Variants in TDRP observed in about 807,000 individuals in gnomAD.
TDRP encodes the protein testis development-related protein.
TDRP carries 12 observed loss-of-function variants against 10.5 expected under a neutral mutation model. The observed-to-expected ratio is 1.15, with a 90% CI of 0.73 to 1.86. TDRP has a LOEUF of 1.86. Ranked by LOEUF, TDRP falls within the 40% of genes most tolerant of loss-of-function variation. The pLI, the probability that TDRP is intolerant of heterozygous loss-of-function variation, is 0.00. For missense variants in TDRP, 353 were observed against 229.2 expected (o/e 1.54, Z -3.49); for synonymous variants, 139 against 95.4 (o/e 1.46, Z -2.67).
chr8:503,635 CCA>C (rs1220867148), intron 1 of TDRP, among the ~76,000 whole-genome samples: 12 of 140,382 alleles, frequency 8.5e-5, no homozygotes, highest in South Asian at 4.6e-4. Flanking sequence ...GAATCCAGAG[CCA>C]CACACACTGG....
intron 1 of TDRP, among the ~76,000 whole-genome samples, chr8:514,183 TC>T (rs1801691732): frequency 6.6e-6 from 1 of 152,190 alleles, no homozygotes; most frequent in South Asian, 2.1e-4. Flanking sequence ...ACTTGCCATT[TC>T]AAACTTACCA....
intron 1 of TDRP, among the ~76,000 whole-genome samples, chr8:496,266 C>T (rs1398061138): frequency 7.2e-5 from 11 of 152,190 alleles, no homozygotes; most frequent in Non-Finnish European, 1.3e-4. Flanking sequence ...TAAAGGATTA[C>T]GTCTGATGCG....
rs1434225718 is a variant in TDRP, at chr8:490,407, G to A, written c.*1992C>T. ...TGTGCGTCACAATTCTATGATTGACGTGAGTTGCAGGCACTTAGCGTTCCA... is the reference window on the plus strand; with the variant it reads ...TGTGCGTCACAATTCTATGATTGACATGAGTTGCAGGCACTTAGCGTTCCA... On this transcript the variant is annotated 3_prime_UTR_variant, in exon 3 of 3. Coordinates refer to ENST00000324079, the MANE Select transcript of TDRP (RefSeq NM_001384899.1). The A allele has an allele frequency of 1.8e-4, 28 of 152,180 alleles. No homozygotes were observed. The highest frequency in any genetic ancestry group is 1.7e-3 in the Admixed American group (26 of 15,272). 9.4% of individuals were successfully genotyped at this position (152,180 alleles called of 1,614,324 possible). A position where few individuals can be genotyped will look rare whatever the true frequency, so the allele number is the denominator to read the frequency against.
intron 1 of TDRP, among the ~76,000 whole-genome samples, chr8:530,269 CTG>C (rs1802154723): frequency 6.6e-6 from 1 of 152,260 alleles, no homozygotes; most frequent in Admixed American, 6.5e-5. Context: ...TTGACTATCT[CTG>C]TTCTCTCACA....
chr8:496,075 A>C (rs1801124505), intron 1 of TDRP, among the ~76,000 whole-genome samples: 1 of 152,164 alleles, frequency 6.6e-6, no homozygotes, highest in Non-Finnish European at 1.5e-5. Flanking sequence ...CACAACAAAA[A>C]CCCTGGGCAT....
rs1290149627 is a variant in TDRP at position 490,974 on chromosome 8, T to C, written c.*1425A>G. 1 of 152,184 alleles carries C rather than the reference T, an allele frequency of 6.6e-6. No homozygotes were observed. Among genetic ancestry groups the C allele is most frequent in the Non-Finnish European group, 1.5e-5 (1 of 68,040 alleles). The allele number at this position is 152,184 out of a possible 1,614,324, so 9.4% of individuals were successfully genotyped here. ...CAGGTGAATAGATACGGATGATTGA[T>C]AGGTATAAGTGATTGACACAGATTA... On this transcript the variant is annotated 3_prime_UTR_variant, in exon 3 of 3. Coordinates refer to ENST00000324079, the MANE Select transcript of TDRP (RefSeq NM_001384899.1).
At chr8:512,107 C>T (rs535269688) in intron 1 of TDRP, among the ~76,000 whole-genome samples, 2 of 152,006 alleles carry the variant, frequency 1.3e-5, no homozygotes, top group South Asian at 4.2e-4. Context: ...ATAAACAAAA[C>T]CAAAATTTCG....
intron 1 of TDRP, among the ~76,000 whole-genome samples, chr8:542,684 G>A (rs1430042685): frequency 6.6e-6 from 1 of 151,882 alleles, no homozygotes; most frequent in East Asian, 1.9e-4. Flanking sequence ...GACCAACATG[G>A]ACAACTCTGT....
At chr8:517,084 G>A (rs1801776181) in intron 1 of TDRP, among the ~76,000 whole-genome samples, 1 of 152,138 alleles carries the variant, frequency 6.6e-6, no homozygotes, top group Non-Finnish European at 1.5e-5. Flanking sequence ...AGTCAGACAT[G>A]CCTCATTATA....
At position 490,976 on chromosome 8, in the gene TDRP, G is replaced by C. The variant is rs1431933068; in HGVS notation, c.*1423C>G. 2 of 152,194 alleles carry C rather than the reference G, an allele frequency of 1.3e-5. No homozygotes were observed. Among genetic ancestry groups the C allele is most frequent in the Admixed American group, 1.3e-4 (2 of 15,270 alleles). 9.4% of individuals were successfully genotyped at this position (152,194 alleles called of 1,614,324 possible). On this transcript the variant is annotated 3_prime_UTR_variant, in exon 3 of 3. Coordinates refer to ENST00000324079, the MANE Select transcript of TDRP (RefSeq NM_001384899.1). The stretch of plus-strand genomic sequence containing the variant: ...GGTGAATAGATACGGATGATTGATA[G>C]GTATAAGTGATTGACACAGATTATA...
intron 1 of TDRP, among the ~76,000 whole-genome samples, chr8:519,941 A>T (rs1414473486): frequency 6.6e-6 from 1 of 152,216 alleles, no homozygotes; most frequent in Non-Finnish European, 1.5e-5. Flanking sequence ...TGACCAGATA[A>T]GTGGGCAATT....
In TDRP at chr8:537,945, C is replaced by A. The variant is rs1802389190; in HGVS notation, c.108+6705G>T. ...ATGTGTCCCATCCTAGCTAAGTGCT[C>A]CTTCATAATAAAATTATTTTATTTC... On this transcript the variant is annotated intron_variant, in intron 1 of 2. Coordinates refer to ENST00000324079, the MANE Select transcript of TDRP (RefSeq NM_001384899.1). 5.9e-5 allele frequency among the ~76,000 whole-genome samples: 9 copies of A among 152,290 alleles called. No homozygotes were observed. In the South Asian group the frequency reaches 1.5e-3, roughly 25 times the overall value.
At chr8:525,019 A>C (rs1270396411) in intron 1 of TDRP, among the ~76,000 whole-genome samples, 3 of 152,182 alleles carry the variant, frequency 2.0e-5, no homozygotes, top group African/African-American at 7.2e-5. Context: ...GGCTTTTACT[A>C]ATCAAACTCC....
chr8:515,819 A>G (rs1353883789), intron 1 of TDRP, among the ~76,000 whole-genome samples: 1 of 152,216 alleles, frequency 6.6e-6, no homozygotes, highest in Non-Finnish European at 1.5e-5. Flanking sequence ...ACTGAATTAT[A>G]GATTATATAA....
At chr8:528,352 G>A (rs966013512) in intron 1 of TDRP, among the ~76,000 whole-genome samples, 3 of 152,116 alleles carry the variant, frequency 2.0e-5, no homozygotes, top group Non-Finnish European at 4.4e-5. Context: ...CAGTTTGGAG[G>A]TTACTCAAAA....
At chr8:496,080 G>A (rs1052225392) in intron 1 of TDRP, among the ~76,000 whole-genome samples, 2 of 152,254 alleles carry the variant, frequency 1.3e-5, no homozygotes, top group South Asian at 2.1e-4. Flanking sequence ...CAAAAACCCT[G>A]GGCATCAGGT....
intron 1 of TDRP, among the ~76,000 whole-genome samples, chr8:535,814 ACCCGAGGCAGGTCTCAGCG>A: frequency 6.7e-6 from 1 of 149,770 alleles, no homozygotes; most frequent in African/African-American, 2.5e-5. Flanking sequence ...GGGTGGGCCC[ACCCGAGGCAGGTCTCAGCG>A]TAGGGGTGGG....
chr8:530,642 G>T (rs1363721776), intron 1 of TDRP, among the ~76,000 whole-genome samples: 1 of 152,004 alleles, frequency 6.6e-6, no homozygotes, highest in Admixed American at 6.6e-5. Flanking sequence ...GTAATCTCTC[G>T]ATCCCTCTGG....
At chr8:544,325 G>T (rs1474091433) in intron 1 of TDRP, among the ~76,000 whole-genome samples, 1 of 151,954 alleles carries the variant, frequency 6.6e-6, no homozygotes, top group Non-Finnish European at 1.5e-5. Context: ...CGCTCTCCTG[G>T]GACTGCGCCC....
Sources: gnomAD v4.1 joint callset for allele counts (sites outside exome capture counted in the v4.1 genomes callset) on GRCh38, gnomAD v4.1.1 for gene constraint, MANE v1.5 for transcripts, NCBI Gene and HGNC (gene_info 2026-07-23, HGNC 2026-07-21) for gene names.